PCDHGA3: variants seen among roughly 807,000 people sequenced by gnomAD.
PCDHGA3 encodes the protein protocadherin gamma subfamily A, 3.
Under a neutral mutation model 58.5 loss-of-function variants are expected in PCDHGA3, and 40 were observed. That is an observed-to-expected ratio of 0.68 (90% CI 0.53 to 0.89). The LOEUF is 0.89. Ranked by LOEUF, PCDHGA3 falls within the 40% of genes least tolerant of loss-of-function variation. The pLI is 0.00. For missense variants in PCDHGA3, 1,223 were observed against 1,195.9 expected (o/e 1.02, Z -0.33); for synonymous variants, 530 against 525.7 (o/e 1.01, Z -0.11).
chr5:141,405,901 G>A (rs954255473), intron 1 of PCDHGA3, among the ~76,000 whole-genome samples: 1 of 152,092 alleles, frequency 6.6e-6, no homozygotes, highest in Non-Finnish European at 1.5e-5. Context: ...ACTGAAAGGA[G>A]GCATTTATTA....
intron 1 of PCDHGA3, among the ~76,000 whole-genome samples, chr5:141,443,876 G>C (rs2098409251): frequency 6.6e-6 from 1 of 152,152 alleles, no homozygotes; most frequent in South Asian, 2.1e-4. Flanking sequence ...TTACTGATAA[G>C]TCAAGAGAAA....
At chr5:141,346,568 C>T (rs771814599) in intron 1 of PCDHGA3, 111 bp downstream of exon 1, 68 of 1,430,610 alleles carry the variant, frequency 4.8e-5, no homozygotes, top group African/African-American at 1.4e-5. Flanking sequence ...GTCATTAGTC[C>T]TTTGACTAAA....
intron 1 of PCDHGA3, among the ~76,000 whole-genome samples, chr5:141,460,961 A>ATGTG (rs35821115): frequency 4.1e-5 from 6 of 144,616 alleles, no homozygotes; most frequent in South Asian, 2.2e-4. Context: ...GTATATATAT[A>ATGTG]TGTGTGTGTG....
At chr5:141,427,898 C>A (rs2154552434) in intron 1 of PCDHGA3, 1 of 1,570,872 alleles carries the variant, frequency 6.4e-7, no homozygotes, top group Non-Finnish European at 8.7e-7. Context: ...AGGGCTCGCC[C>A]GCGCTCAGCG....
intron 1 of PCDHGA3, chr5:141,389,622 G>A: frequency 6.2e-7 from 1 of 1,612,970 alleles, no homozygotes; most frequent in Non-Finnish European, 8.5e-7. Flanking sequence ...GCCGCACGCT[G>A]CAGAGCCTGG....
intron 3 of PCDHGA3, among the ~76,000 whole-genome samples, chr5:141,509,751 A>T (rs1430265981): frequency 6.6e-6 from 1 of 151,998 alleles, no homozygotes; most frequent in Admixed American, 6.5e-5. Flanking sequence ...CCTGTGCCTA[A>T]AGTGTCCCTG....
intron 1 of PCDHGA3, chr5:141,374,714 G>C (rs1236113306): frequency 1.2e-6 from 2 of 1,609,850 alleles, no homozygotes; most frequent in South Asian, 2.2e-5. Flanking sequence ...TTACCGCCTG[G>C]TCCTTACTGC....
Position 141,399,777 on chromosome 5 carries a change from C to T in PCDHGA3, c.2424+53320C>T, listed in dbSNP as rs751610227. On this transcript the variant is annotated intron_variant, in intron 1 of 3. Transcript: ENST00000253812. ...TGAGCCTGCGCGTGTTGGTGGGCGA[C>T]CGAAACGACAACGCACCGCGGGTGC... The T allele has an allele frequency of 3.7e-6, 6 of 1,613,304 alleles. No homozygotes were observed. The Admixed American group carries it at 8.3e-5, about 22-fold the overall frequency.
Position 141,489,653 on chromosome 5 carries a change from G to A in PCDHGA3, c.2425-5154G>A, listed in dbSNP as rs752269910. 2.0e-5 allele frequency: 33 copies of A among 1,614,164 alleles called. No individual in the cohort carries two copies. In the East Asian group the frequency reaches 4.9e-4, roughly 24 times the overall value. ...TCTCCTAGCTTTGCCACCCCTGAGC[G>A]AGAGATGCGCATCTCAGAATCAGCA... On this transcript the variant is annotated intron_variant, in intron 1 of 3. Transcript: ENST00000253812. This position sits in a 1 kb window ranked among gnomAD's most constrained non-coding sequence, Gnocchi z 4.5.
intron 1 of PCDHGA3, chr5:141,373,848 C>T (rs955090382): frequency 2.0e-5 from 9 of 446,824 alleles, no homozygotes; most frequent in Non-Finnish European, 3.5e-5. Flanking sequence ...GGACTCTAAG[C>T]GTCGCTGTTG....
intron 1 of PCDHGA3, chr5:141,378,088 T>A (rs1218204650): frequency 6.6e-6 from 1 of 152,252 alleles, no homozygotes; most frequent in African/African-American, 2.4e-5. Context: ...TTATAACTTT[T>A]TTTCAAACTC....
At chr5:141,488,991 T>G in intron 1 of PCDHGA3, 1 of 414,332 alleles carries the variant, frequency 2.4e-6, no homozygotes, top group Non-Finnish European at 4.3e-6. Flanking sequence ...AGAGCTGAGG[T>G]GGGAGATCTG....
intron 1 of PCDHGA3, chr5:141,389,206 G>A: frequency 6.2e-7 from 1 of 1,614,014 alleles, no homozygotes; most frequent in Non-Finnish European, 8.5e-7. Context: ...CTGCACATTG[G>A]TGATGTAAAT....
rs369204878 is a variant in PCDHGA3, at chr5:141,345,264, G to A, written c.1231G>A (p.Asp411Asn). 11 of 1,613,796 alleles carry A rather than the reference G, an allele frequency of 6.8e-6. No homozygotes were observed. The highest frequency in any genetic ancestry group is 6.7e-5 in the African/African-American group (5 of 74,872). The change falls in exon 1 of 4, where the codon GAC becomes AAC. Residue 411 changes from aspartate (D) to asparagine (N), a missense_variant. Asp to Asn is a conservative substitution (Grantham distance 23). Transcript: ENST00000253812. ...YYRLVTATSL[D>N]REQISEYNIS... ...CCGCTTAGTGACGGCCACATCCCTG[G>A]ACCGCGAACAAATATCAGAATATAA... is the stretch of plus-strand genomic sequence containing the variant.
chr5:141,442,870 T>A (rs942975420), intron 1 of PCDHGA3, among the ~76,000 whole-genome samples: 1 of 152,192 alleles, frequency 6.6e-6, no homozygotes, highest in African/African-American at 2.4e-5. Flanking sequence ...AGATGTAAAT[T>A]TACAACTCAG....
At chr5:141,415,132 C>T (rs752622569) in intron 1 of PCDHGA3, 4 of 1,613,696 alleles carry the variant, frequency 2.5e-6, no homozygotes, top group Non-Finnish European at 3.4e-6. Flanking sequence ...CGTCCAGGAC[C>T]ACGGCCAGCC....
At chr5:141,413,722 T>TCC (rs1330658153) in intron 1 of PCDHGA3, 1 of 1,613,450 alleles carries the variant, frequency 6.2e-7, no homozygotes. Context: ...TAAGCACTTC[T>TCC]CCCTAAGAGT....
chr5:141,375,761 C>T (rs1771855837), intron 1 of PCDHGA3: 1 of 1,614,118 alleles, frequency 6.2e-7, no homozygotes, highest in Admixed American at 1.7e-5. Flanking sequence ...TGACAATGCG[C>T]CCGAGATCCT....
intron 1 of PCDHGA3, chr5:141,355,286 A>G (rs1466642176): frequency 6.2e-7 from 1 of 1,613,786 alleles, no homozygotes; most frequent in Admixed American, 1.7e-5. Context: ...ATCAGGGCCG[A>G]ACAGATTCTC....
Sources: allele counts gnomAD v4.1 joint callset (sites outside exome capture counted in the v4.1 genomes callset), GRCh38; gene constraint gnomAD v4.1.1; non-coding constraint Gnocchi (gnomAD v3.1); transcripts MANE v1.5; gene names NCBI Gene and HGNC (gene_info 2026-07-23, HGNC 2026-07-21).